Variants in PCDH11X observed in about 807,000 individuals in gnomAD.
PCDH11X encodes protocadherin 11 X-linked.
Under a neutral mutation model 53.3 loss-of-function variants are expected in PCDH11X, and 18 were observed. That is an observed-to-expected ratio of 0.34 (90% CI 0.23 to 0.50). The LOEUF (loss-of-function observed/expected upper bound fraction) is 0.50, where lower values mean the gene tolerates loss of function less well. PCDH11X is among the 20% of genes least tolerant of loss of function. The pLI, the probability that PCDH11X is intolerant of heterozygous loss-of-function variation, is 0.98. For missense variants in PCDH11X, 570 were observed against 1,032.4 expected, an observed-to-expected ratio of 0.55 and a Z score of 6.14; for synonymous variants, 279 against 393.3, an observed-to-expected ratio of 0.71 and a Z score of 3.44.
intron 6 of PCDH11X, among the ~76,000 whole-genome samples, chrX:91,922,069 T>C: frequency 9.0e-6 from 1 of 111,101 alleles, no homozygotes; most frequent in Non-Finnish European, 1.9e-5. Context: ...TTCCTTAATA[T>C]AGTTAGTAGT....
chrX:92,036,928 T>C (rs2063134866), intron 6 of PCDH11X, among the ~76,000 whole-genome samples: 1 of 111,924 alleles, frequency 8.9e-6, no homozygotes, highest in African/African-American at 3.3e-5. Context: ...AAGGTGATTC[T>C]TGTTATGTTT....
At chrX:92,110,545 G>C (rs753534380) in intron 6 of PCDH11X, among the ~76,000 whole-genome samples, 2 of 110,753 alleles carry the variant, frequency 1.8e-5, no homozygotes, top group Admixed American at 9.7e-5. Context: ...ATAAACAAGG[G>C]GGGGGCAGAG....
chrX:91,837,933 G>C (rs1472512681), intron 5 of PCDH11X, among the ~76,000 whole-genome samples: 1 of 111,488 alleles, frequency 9.0e-6, no homozygotes, highest in Non-Finnish European at 1.9e-5. Context: ...TGTGGTTAGT[G>C]GCTATCATAC....
At chrX:92,417,012 T>C (rs1200410228) in intron 9 of PCDH11X, among the ~76,000 whole-genome samples, 2 of 110,639 alleles carry the variant, frequency 1.8e-5, no homozygotes, top group Non-Finnish European at 3.8e-5. Context: ...ACCTCATTGA[T>C]TTTAACAATG....
rs1290156007 is a variant in PCDH11X at position 92,012,919 on chromosome X, A to T, written c.3033+133646A>T. On this transcript the variant is annotated intron_variant, in intron 6 of 10. Transcript: ENST00000682573. ...CTAATAAAATAATGTGCGTCAGCCAATATCATACTGAATGGGCAAAAACTG... is the reference window on the plus strand; with the variant it reads ...CTAATAAAATAATGTGCGTCAGCCATTATCATACTGAATGGGCAAAAACTG... Among the ~76,000 whole-genome samples, 3 of 111,807 alleles carry T rather than the reference A, an allele frequency of 2.7e-5. No individual in the cohort carries two copies. In the South Asian group the frequency reaches 1.1e-3, roughly 42 times the overall value.
At chrX:92,214,530 G>T (rs2066652675) in intron 7 of PCDH11X, among the ~76,000 whole-genome samples, 1 of 111,568 alleles carries the variant, frequency 9.0e-6, no homozygotes. Flanking sequence ...TGCCATGAAG[G>T]TTAGCACAAT....
intron 6 of PCDH11X, among the ~76,000 whole-genome samples, chrX:92,072,612 C>T (rs1274189370): frequency 1.8e-5 from 2 of 111,645 alleles, no homozygotes; most frequent in African/African-American, 6.5e-5. Flanking sequence ...GGAATGAGAC[C>T]TTCTTGAATG....
intron 6 of PCDH11X, among the ~76,000 whole-genome samples, chrX:91,960,855 C>G (rs1006656683): frequency 9.0e-6 from 1 of 111,337 alleles, no homozygotes; most frequent in Non-Finnish European, 1.9e-5. Flanking sequence ...AATCCTTTTG[C>G]CATTGTGTGT....
At chrX:91,983,718 G>A (rs36052142) in intron 6 of PCDH11X, among the ~76,000 whole-genome samples, 1 of 111,953 alleles carries the variant, frequency 8.9e-6, no homozygotes, top group Non-Finnish European at 1.9e-5. Flanking sequence ...CCCACAACAT[G>A]TGGGAATTAT....
chrX:92,415,354 C>T (rs1263914541), intron 9 of PCDH11X, among the ~76,000 whole-genome samples: 1 of 111,445 alleles, frequency 9.0e-6, no homozygotes, highest in Non-Finnish European at 1.9e-5. Flanking sequence ...AAATAACTTT[C>T]AAACAATTGT....
At chrX:92,162,147 G>A (rs1341184286) in intron 6 of PCDH11X, among the ~76,000 whole-genome samples, 1 of 97,152 alleles carries the variant, frequency 1.0e-5, no homozygotes, top group Admixed American at 1.1e-4. Context: ...CATTTGGGTG[G>A]GTTATATCGG....
intron 8 of PCDH11X, among the ~76,000 whole-genome samples, chrX:92,278,808 T>A (rs1352201925): frequency 8.7e-5 from 1 of 11,467 alleles, no homozygotes; most frequent in East Asian, 8.8e-4. Context: ...TCTTTTCAGT[T>A]TTTTTTTTTT....
intron 1 of PCDH11X, among the ~76,000 whole-genome samples, chrX:91,808,952 A>G (rs1390117205): frequency 1.9e-5 from 2 of 107,537 alleles, no homozygotes; most frequent in Admixed American, 2.0e-4. Flanking sequence ...TTAACGTATA[A>G]GGTTTGTTTA....
In PCDH11X at chrX:92,514,770, G is replaced by T. The variant is rs72608321; in HGVS notation, c.3367+46448G>T. 3.8e-5 allele frequency among the ~76,000 whole-genome samples: 4 copies of T among 104,764 alleles called. No individual in the cohort carries two copies. The Admixed American group carries it at 4.1e-4, about 11-fold the overall frequency. The allele number at this position is 104,764 out of a possible 115,157, so 91.0% of individuals were successfully genotyped here. A position where few individuals can be genotyped will look rare whatever the true frequency, so the allele number is the denominator to read the frequency against. On this transcript the variant is annotated intron_variant, in intron 10 of 10. Coordinates refer to ENST00000682573, the MANE Select transcript of PCDH11X (RefSeq NM_032968.5). The stretch of plus-strand genomic sequence containing the variant: ...AATATTAAAAATTAATCACCCGGCC[G>T]GGCGTGGTGGCTCACGCCTGTAATC...
intron 7 of PCDH11X, among the ~76,000 whole-genome samples, chrX:92,230,227 T>G (rs1396952329): frequency 7.5e-5 from 8 of 106,644 alleles, no homozygotes; most frequent in African/African-American, 2.7e-4. Flanking sequence ...TTTAGAAAAA[T>G]GTCAACATGC....
At chrX:92,014,091 C>T (rs2062744892) in intron 6 of PCDH11X, among the ~76,000 whole-genome samples, 1 of 111,216 alleles carries the variant, frequency 9.0e-6, no homozygotes, top group Admixed American at 9.6e-5. Flanking sequence ...TCAGAGTGAA[C>T]AGGCAGCCTA....
chrX:92,021,118 A>T (rs1191092460), intron 6 of PCDH11X, among the ~76,000 whole-genome samples: 1 of 110,600 alleles, frequency 9.0e-6, no homozygotes, highest in African/African-American at 3.3e-5. Flanking sequence ...CCAAAAGGCC[A>T]GTGTACCTCT....
At position 92,618,281 on chromosome X, in the gene PCDH11X, C is replaced by A; in HGVS notation, c.3385C>A (p.Gln1129Lys). Reference sequence around the variant, plus strand: ...CCCAACAGCTGCAGAAATAACTGTTCAACCAACTGTGGAAGAGGCCTCTGA... The same window carrying A: ...CCCAACAGCTGCAGAAATAACTGTTAAACCAACTGTGGAAGAGGCCTCTGA... ...GLKKAAEITV[Q>K]PTVEEASDNC... The change falls in exon 11 of 11, where the codon CAA (glutamine) becomes AAA (lysine). Residue 1129 changes from glutamine to lysine, a missense_variant. Transcript: ENST00000682573. The A allele has an allele frequency of 2.5e-6, 3 of 1,205,269 alleles. No homozygotes were observed. Among genetic ancestry groups the A allele is most frequent in the South Asian group, 3.6e-5 (2 of 56,263 alleles).
chrX:92,343,611 T>C, intron 8 of PCDH11X, among the ~76,000 whole-genome samples: 1 of 111,689 alleles, frequency 9.0e-6, no homozygotes, highest in East Asian at 2.8e-4. Flanking sequence ...AGAATCATAT[T>C]AAATACAATT....
Sources: gnomAD v4.1 joint callset for allele counts (sites outside exome capture counted in the v4.1 genomes callset) on GRCh38, gnomAD v4.1.1 for gene constraint, MANE v1.5 for transcripts, NCBI Gene and HGNC (gene_info 2026-07-23, HGNC 2026-07-21) for gene names.